The following CDYL variants were observed in gnomAD, a reference collection of about 807,000 sequenced individuals.
The protein encoded by CDYL is chromodomain Y like.
CDYL carries 8 observed loss-of-function variants against 47.3 expected under a neutral mutation model. The ratio of observed to expected loss-of-function variants is 0.17; its 90% CI spans 0.10 to 0.31. CDYL has a LOEUF of 0.31. Ranked by LOEUF, CDYL falls within the 10% of genes least tolerant of loss-of-function variation. The pLI, the probability that CDYL is intolerant of heterozygous loss-of-function variation, is 1.00. For missense variants in CDYL, 471 were observed against 701.4 expected (o/e 0.67, Z 3.71); for synonymous variants, 266 against 265.0 (o/e 1.00, Z -0.04).
At chr6:4,788,016 C>T (rs1365410859) in intron 1 of CDYL, among the ~76,000 whole-genome samples, 1 of 151,784 alleles carries the variant, frequency 6.6e-6, no homozygotes, top group African/African-American at 2.4e-5. Context: ...AACTGATCTG[C>T]CCACCTTGGC....
intron 2 of CDYL, among the ~76,000 whole-genome samples, chr6:4,905,543 A>C (rs1046266667): frequency 6.6e-6 from 1 of 152,112 alleles, no homozygotes; most frequent in African/African-American, 2.4e-5. Context: ...GTGGGAGAGG[A>C]TGAACTGCTG....
At chr6:4,900,779 G>GTGTGTATACATATA in intron 2 of CDYL, among the ~76,000 whole-genome samples, 1 of 51,706 alleles carries the variant, frequency 1.9e-5, no homozygotes, top group African/African-American at 6.3e-5. Context: ...GTATACGTGT[G>GTGTGTATACATATA]TATATATATA....
At chr6:4,829,280 A>G (rs2127452746) in intron 1 of CDYL, among the ~76,000 whole-genome samples, 1 of 152,230 alleles carries the variant, frequency 6.6e-6, no homozygotes, top group Non-Finnish European at 1.5e-5. Flanking sequence ...GTTTAGTGAC[A>G]TTTCCACACT....
intron 2 of CDYL, among the ~76,000 whole-genome samples, chr6:4,920,498 C>T (rs1757680536): frequency 6.6e-6 from 1 of 152,218 alleles, no homozygotes; most frequent in Admixed American, 6.5e-5. Context: ...TCCGGCGGGT[C>T]ATGCAAACAG....
chr6:4,889,516 C>T (rs534662996), intron 1 of CDYL, among the ~76,000 whole-genome samples: 20 of 152,262 alleles, frequency 1.3e-4, no homozygotes, highest in African/African-American at 4.6e-4. Flanking sequence ...AGCCACCGTG[C>T]CCGGCCCACA....
At chr6:4,890,021 T>C in intron 1 of CDYL, 1 of 985,398 alleles carries the variant, frequency 1.0e-6, no homozygotes, top group Non-Finnish European at 1.2e-6. Flanking sequence ...ACAAAAGCAG[T>C]GTGCTCCACC....
intron 1 of CDYL, among the ~76,000 whole-genome samples, chr6:4,791,158 C>A (rs749129144): frequency 2.6e-5 from 4 of 152,172 alleles, no homozygotes; most frequent in Non-Finnish European, 5.9e-5. Flanking sequence ...CATTGACATT[C>A]CTAAGAATCA....
chr6:4,891,669 A>G (rs977137388), intron 1 of CDYL, 44 bp from the exon 2 acceptor site: 39 of 1,500,720 alleles, frequency 2.6e-5, no homozygotes, highest in Non-Finnish European at 3.5e-5. Context: ...TTTTCCCCCC[A>G]AATTTTGATT....
At chr6:4,902,293 C>G (rs570975819) in intron 2 of CDYL, among the ~76,000 whole-genome samples, 50 of 151,652 alleles carry the variant, frequency 3.3e-4, no homozygotes, top group Non-Finnish European at 6.6e-4. Flanking sequence ...GTAAACCCAG[C>G]TACTCGGGAG....
chr6:4,917,220 T>C (rs552146542), intron 2 of CDYL, among the ~76,000 whole-genome samples: 3 of 152,342 alleles, frequency 2.0e-5, no homozygotes, highest in Non-Finnish European at 4.4e-5. Flanking sequence ...GAGAAATTTA[T>C]CTTAGATCTT....
intron 1 of CDYL, among the ~76,000 whole-genome samples, chr6:4,796,816 A>T (rs1759083697): frequency 6.6e-6 from 1 of 152,124 alleles, no homozygotes; most frequent in Non-Finnish European, 1.5e-5. Context: ...TATCAGTTTA[A>T]TGTGTTTAAT....
intron 1 of CDYL, among the ~76,000 whole-genome samples, chr6:4,801,129 A>G (rs1474775714): frequency 6.6e-6 from 1 of 152,230 alleles, no homozygotes; most frequent in Non-Finnish European, 1.5e-5. Context: ...TGCAGATGGC[A>G]GAACCAAGCA....
At chr6:4,952,807 G>A (rs755853581) in intron 6 of CDYL, among the ~76,000 whole-genome samples, 47 of 151,990 alleles carry the variant, frequency 3.1e-4, no homozygotes, top group Non-Finnish European at 5.1e-4. Flanking sequence ...TCACTCTGTC[G>A]CTCAGGCTTG....
At chr6:4,758,351 A>AAAAAATATATATATATATAT (rs1554134098) in intron 3 of CDYL, among the ~76,000 whole-genome samples, 1 of 129,074 alleles carries the variant, frequency 7.7e-6, no homozygotes, top group African/African-American at 3.1e-5. Context: ...AAAATAAATA[A>AAAAAATATATATATATATAT]ATATATATAT....
At chr6:4,720,119 T>G (rs1757340985) in intron 2 of CDYL, among the ~76,000 whole-genome samples, 1 of 152,224 alleles carries the variant, frequency 6.6e-6, no homozygotes, top group Non-Finnish European at 1.5e-5. Context: ...AGAAAGAGTT[T>G]CCTGGGAAAA....
chr6:4,821,950 T>C (rs1407338906), intron 1 of CDYL, among the ~76,000 whole-genome samples: 1 of 152,156 alleles, frequency 6.6e-6, no homozygotes, highest in East Asian at 1.9e-4. Context: ...GGTTACTTTT[T>C]TCTTTAAGTA....
At chr6:4,724,533 C>G (rs1308933914) in intron 2 of CDYL, 1 of 152,294 alleles carries the variant, frequency 6.6e-6, no homozygotes, top group Non-Finnish European at 1.5e-5. Flanking sequence ...GACCCTCGCT[C>G]TGAGTGTCAC....
chr6:4,883,624 C>T (rs1238472505), intron 1 of CDYL, among the ~76,000 whole-genome samples: 3 of 152,174 alleles, frequency 2.0e-5, no homozygotes, highest in African/African-American at 7.2e-5. Context: ...AAAACAAGGG[C>T]AAGACTCAGT....
intron 1 of CDYL, among the ~76,000 whole-genome samples, chr6:4,832,685 G>A (rs1460062301): frequency 0.011 from 1,615 of 144,644 alleles, 24 homozygotes; most frequent in African/African-American, 0.04. Flanking sequence ...GGTAGAATTC[G>A]GCTGTGAATC....
Sources: gnomAD v4.1 joint callset for allele counts (sites outside exome capture counted in the v4.1 genomes callset) on GRCh38, gnomAD v4.1.1 for gene constraint, MANE v1.5 for transcripts, NCBI Gene and HGNC (gene_info 2026-07-23, HGNC 2026-07-21) for gene names.